The following PPM1L variants were observed in gnomAD, a reference collection of about 807,000 sequenced individuals.
The protein encoded by PPM1L is protein phosphatase, Mg2+/Mn2+ dependent 1L.
In PPM1L, 13 loss-of-function variants were observed where a neutral mutation model predicts 31.4. The ratio of observed to expected loss-of-function variants is 0.41; its 90% CI spans 0.27 to 0.66. The LOEUF (loss-of-function observed/expected upper bound fraction) is 0.66, where lower values mean the gene tolerates loss of function less well. Ranked by LOEUF, PPM1L falls within the 30% of genes least tolerant of loss-of-function variation. The pLI, the probability that PPM1L is intolerant of heterozygous loss-of-function variation, is 0.29. For missense variants in PPM1L, 326 were observed against 453.7 expected, an observed-to-expected ratio of 0.72 and a Z score of 2.56; for synonymous variants, 184 against 175.4, an observed-to-expected ratio of 1.05 and a Z score of -0.39.
chr3:160,948,976 T>A (rs1193701156), intron 1 of PPM1L, among the ~76,000 whole-genome samples: 1 of 152,076 alleles, frequency 6.6e-6, no homozygotes, highest in Non-Finnish European at 1.5e-5. Flanking sequence ...CCTGTTAAAA[T>A]ACGGCAAACA....
At chr3:160,842,945 T>C (rs971165510) in intron 1 of PPM1L, among the ~76,000 whole-genome samples, 2 of 152,240 alleles carry the variant, frequency 1.3e-5, no homozygotes, top group African/African-American at 4.8e-5. Context: ...TAAATATTTG[T>C]CTTATTCTTT....
intron 1 of PPM1L, among the ~76,000 whole-genome samples, chr3:160,834,143 C>G (rs904538364): frequency 2.0e-5 from 3 of 151,658 alleles, no homozygotes; most frequent in Non-Finnish European, 4.4e-5. Flanking sequence ...CCTGCCTCAG[C>G]CTCCCAAGTA....
At position 160,806,745 on chromosome 3, in the gene PPM1L, AAAAG is replaced by A. The variant is rs200449392; in HGVS notation, c.399+50060_399+50063del. On this transcript the variant is annotated intron_variant, in intron 1 of 3. Coordinates refer to ENST00000498165, the MANE Select transcript of PPM1L (RefSeq NM_139245.4). ...CATAGTAAGACCTCTTGGTCTCTGA[AAAAG>A]AAAGAAAGAAAGAAAGAAAGAGAGA... Among the ~76,000 whole-genome samples the A allele has an allele frequency of 6.3e-3, 953 of 151,606 alleles. 8 individuals are homozygous for A. The highest frequency in any genetic ancestry group is 0.014 in the Middle Eastern group (4 of 294).
intron 1 of PPM1L, among the ~76,000 whole-genome samples, chr3:160,916,902 A>G (rs1576712019): frequency 6.6e-6 from 1 of 152,216 alleles, no homozygotes; most frequent in South Asian, 2.1e-4. Flanking sequence ...CTTAGAAACA[A>G]AACATCAAAC....
intron 1 of PPM1L, among the ~76,000 whole-genome samples, chr3:160,947,677 C>T (rs987916270): frequency 5.3e-5 from 8 of 152,232 alleles, no homozygotes; most frequent in African/African-American, 1.7e-4. Flanking sequence ...AGAGCACACC[C>T]GTCTATGTAG....
intron 1 of PPM1L, among the ~76,000 whole-genome samples, chr3:160,914,134 G>T (rs1490930477): frequency 1.3e-5 from 2 of 152,100 alleles, no homozygotes; most frequent in Admixed American, 6.5e-5. Flanking sequence ...ATTCTAATAG[G>T]TGTGTATTGG....
At chr3:160,768,815 A>G (rs1391736974) in intron 1 of PPM1L, among the ~76,000 whole-genome samples, 1 of 152,218 alleles carries the variant, frequency 6.6e-6, no homozygotes, top group East Asian at 1.9e-4. Context: ...ATTATCTCAC[A>G]TAACAAAAGG....
At chr3:160,937,090 A>G (rs1405490432) in intron 1 of PPM1L, among the ~76,000 whole-genome samples, 1 of 152,138 alleles carries the variant, frequency 6.6e-6, no homozygotes. Context: ...ATTTCAGTTC[A>G]TTTGTTTTTT....
intron 1 of PPM1L, among the ~76,000 whole-genome samples, chr3:160,887,444 G>T (rs995234612): frequency 1.3e-5 from 2 of 151,818 alleles, no homozygotes; most frequent in African/African-American, 4.8e-5. Flanking sequence ...AATTCTCCAA[G>T]GTTGAAATGA....
At chr3:161,046,641 G>C (rs9842701) in intron 2 of PPM1L, among the ~76,000 whole-genome samples, 11,593 of 152,132 alleles carry the variant, frequency 0.076, 607 homozygotes, top group East Asian at 0.19. Context: ...AACCAAAAAA[G>C]AGAATTTTAG....
intron 1 of PPM1L, among the ~76,000 whole-genome samples, chr3:160,940,446 A>G (rs1258444777): frequency 6.6e-6 from 1 of 152,126 alleles, no homozygotes; most frequent in Non-Finnish European, 1.5e-5. Context: ...CCGGGAGGAA[A>G]AAGTGGTTTT....
chr3:160,797,947 A>T (rs1712308304), intron 1 of PPM1L, among the ~76,000 whole-genome samples: 2 of 152,220 alleles, frequency 1.3e-5, no homozygotes, highest in Non-Finnish European at 2.9e-5. Context: ...TGGGAGGCCA[A>T]GGCGGGCGGA....
chr3:160,849,478 A>G (rs1271660309), intron 1 of PPM1L, among the ~76,000 whole-genome samples: 1 of 151,436 alleles, frequency 6.6e-6, no homozygotes, highest in Non-Finnish European at 1.5e-5. Context: ...CAGTGACACA[A>G]TCTTGGCTCA....
At chr3:161,054,147 C>G in intron 2 of PPM1L, among the ~76,000 whole-genome samples, 1 of 151,930 alleles carries the variant, frequency 6.6e-6, no homozygotes, top group East Asian at 1.9e-4. Flanking sequence ...ATCACTGCTT[C>G]TTCTGCTTGG....
At chr3:160,971,135 G>A (rs1716329041) in intron 2 of PPM1L, among the ~76,000 whole-genome samples, 1 of 152,128 alleles carries the variant, frequency 6.6e-6, no homozygotes, top group Non-Finnish European at 1.5e-5. Context: ...ATAGTTGTTT[G>A]AAAGTACCGA....
chr3:160,861,776 G>A (rs1334239658), intron 1 of PPM1L, among the ~76,000 whole-genome samples: 1 of 152,150 alleles, frequency 6.6e-6, no homozygotes, highest in African/African-American at 2.4e-5. Context: ...GCAGACATGT[G>A]TTCCTTTTGA....
rs1553812477 is a variant in PPM1L, at chr3:160,849,419, C to CTTTCTTTTT, written c.399+92715_399+92716insCTTTTTTTT. 9.5e-3 allele frequency among the ~76,000 whole-genome samples: 1,367 copies of CTTTCTTTTT among 143,364 alleles called. 15 individuals carry two copies. The highest frequency in any genetic ancestry group is 0.034 in the African/African-American group (1,298 of 38,220). 94.1% of individuals were successfully genotyped at this position (143,364 alleles called of 152,430 possible). A position where few individuals can be genotyped will look rare whatever the true frequency, so the allele number is the denominator to read the frequency against. On this transcript the variant is annotated intron_variant, in intron 1 of 3. Transcript: ENST00000498165. ...TCTTTCTTTCTTTCTTTCTTTCTTT[C>CTTTCTTTTT]TTTTTTTTTTTTAAGATGGAGTCTC... is the stretch of plus-strand genomic sequence containing the variant.
intron 1 of PPM1L, among the ~76,000 whole-genome samples, chr3:160,906,529 G>A (rs1028914610): frequency 6.6e-6 from 1 of 152,180 alleles, no homozygotes; most frequent in Non-Finnish European, 1.5e-5. Context: ...TTGAACCTGG[G>A]AGGCGGCGGT....
intron 2 of PPM1L, among the ~76,000 whole-genome samples, chr3:160,984,920 G>T (rs190736541): frequency 5.9e-5 from 9 of 152,142 alleles, no homozygotes; most frequent in Non-Finnish European, 1.0e-4. Context: ...GGGAGGGAGG[G>T]CTGGTGGTGT....
Sources: allele counts gnomAD v4.1 joint callset (sites outside exome capture counted in the v4.1 genomes callset), GRCh38; gene constraint gnomAD v4.1.1; transcripts MANE v1.5; gene names NCBI Gene and HGNC (gene_info 2026-07-23, HGNC 2026-07-21).